HARS1: variants seen among roughly 807,000 people sequenced by gnomAD.
The protein encoded by HARS1 is histidine--tRNA ligase, cytoplasmic.
In HARS1, 45 loss-of-function variants were observed where a neutral mutation model predicts 63.6. That is an observed-to-expected ratio of 0.71 (90% CI 0.56 to 0.91). The LOEUF is 0.91. HARS1 is among the 40% of genes least tolerant of loss of function. The pLI is 0.00. For missense variants in HARS1, 508 were observed against 643.2 expected (o/e 0.79, Z 2.27); for synonymous variants, 205 against 247.1 (o/e 0.83, Z 1.60).
At position 140,677,416 on chromosome 5, in the gene HARS1, G is replaced by C. The variant is rs1758446658; in HGVS notation, c.734C>G (p.Ser245Cys). The C allele has an allele frequency of 3.7e-6, 6 of 1,612,118 alleles. No individual in the cohort carries two copies. Among genetic ancestry groups the C allele is most frequent in the Non-Finnish European group, 5.1e-6 (6 of 1,178,342 alleles). ...CSSVDKLDKV[S>C]WEEVKNEMVG... ...CATCTCATTCTTCACCTCTTCCCAG[G>C]ACACCTAGGCAGACAGACACCAGTC... Residue 245 changes from serine (S) to cysteine (C), a missense_variant, in exon 8 of 13, where the codon TCC (serine) becomes TGC (cysteine). By Grantham distance (112) the Ser-to-Cys change is moderately radical (BLOSUM62 -1). This residue lies in a region of HARS1 where 403 missense variants were observed against 548.7 expected (regional missense o/e 0.73). Coordinates refer to ENST00000504156, the MANE Select transcript of HARS1 (RefSeq NM_002109.6).
rs1233474239 is a variant in HARS1 at position 140,676,950 on chromosome 5, C to A, written c.951+39G>T. ...AGATTAAGATCAGGGACCTGAAGCC[C>A]CAGAGCTCAGAAGGGATCCCGTCCC... On this transcript the variant is annotated intron_variant, in intron 9 of 12. Transcript: ENST00000504156. The surrounding 1 kb of genome is among the most constrained non-coding windows in gnomAD (Gnocchi z 4.1). 6.2e-7 allele frequency: 1 copy of A among 1,613,902 alleles called. No homozygotes were observed. The highest frequency in any genetic ancestry group is 1.3e-5 in the African/African-American group (1 of 74,914).
rs768577648 is a variant in HARS1 at position 140,678,995 on chromosome 5, C to A, written c.522+7G>T. The A allele has an allele frequency of 6.2e-7, 1 of 1,613,278 alleles. No individual in the cohort carries two copies. The highest frequency in any genetic ancestry group is 1.1e-5 in the South Asian group (1 of 91,002). ...CTCATCCTGCCCCACGGTTTCCCAA[C>A]ACTCACACACTGGTAGAATTCCCGG... is the stretch of plus-strand genomic sequence containing the variant. On this transcript the variant is annotated splice_region_variant and intron_variant, in intron 5 of 12. Transcript: ENST00000504156.
Position 140,676,883 on chromosome 5 carries a change from A to T in HARS1, c.965T>A (p.Leu322Gln). The T allele has an allele frequency of 6.2e-7, 1 of 1,613,156 alleles. No homozygotes were observed. Among genetic ancestry groups the T allele is most frequent in the East Asian group, 2.2e-5 (1 of 44,868 alleles). ...GTAATCCAGCCCTCGAGCAAGGCTCAGGTCAAAGGAGATCTGTGGAGATAA... is the reference window on the plus strand; with the variant it reads ...GTAATCCAGCCCTCGAGCAAGGCTCTGGTCAAAGGAGATCTGTGGAGATAA... ...FGIDDKISFD[L>Q]SLARGLDYYT... The change falls in exon 10 of 13, where the codon CTG becomes CAG. Residue 322 changes from leucine to glutamine, a missense_variant. Physicochemically the swap from Leu to Gln is moderately radical, Grantham distance 113. Around this residue, in one of 2 missense-constraint regions of HARS1, gnomAD observed 403 missense variants for 548.7 expected, o/e 0.73. Coordinates refer to ENST00000504156, the MANE Select transcript of HARS1 (RefSeq NM_002109.6). This position sits in a 1 kb window ranked among gnomAD's most constrained non-coding sequence, Gnocchi z 4.1.
At chr5:140,681,032 G>T (rs1758699491) in intron 3 of HARS1, among the ~76,000 whole-genome samples, 1 of 151,974 alleles carries the variant, frequency 6.6e-6, no homozygotes, top group Non-Finnish European at 1.5e-5. Context: ...ATGTCTTAAG[G>T]GCATTACAGC....
At position 140,679,052 on chromosome 5, in the gene HARS1, G is replaced by A. The variant is rs939538495; in HGVS notation, c.472C>T (p.Arg158Trp). 5.0e-6 allele frequency: 8 copies of A among 1,613,922 alleles called. No individual in the cohort carries two copies. The highest frequency in any genetic ancestry group is 2.7e-5 in the African/African-American group (2 of 74,904). The change falls in exon 5 of 13, where the codon CGG (arginine) becomes TGG (tryptophan). Residue 158 changes from arginine (R) to tryptophan (W), a missense_variant. By Grantham distance (101) the Arg-to-Trp change is moderately radical (BLOSUM62 -3). Coordinates refer to ENST00000504156, the MANE Select transcript of HARS1 (RefSeq NM_002109.6). The surrounding 1 kb of genome is among the most constrained non-coding windows in gnomAD (Gnocchi z 4.3). ...KRYHIAKVYR[R>W]DNPAMTRGRY... ...CCACGGGTCATGGCTGGGTTATCCC[G>A]CCGATATACCTTTGCTATGTGGTAG...
chr5:140,689,616 C>T lies in HARS1; in HGVS notation c.180+1239G>A, dbSNP rs564940590. Reference sequence around the variant, plus strand: ...ACTCAGCCAGATTTTTTTTCTTAATCGTTTCTTTTCCCCTGAATGGTTTTG... The same window carrying T: ...ACTCAGCCAGATTTTTTTTCTTAATTGTTTCTTTTCCCCTGAATGGTTTTG... On this transcript the variant is annotated intron_variant, in intron 2 of 12. Coordinates refer to ENST00000504156, the MANE Select transcript of HARS1 (RefSeq NM_002109.6). Among the ~76,000 whole-genome samples the T allele has an allele frequency of 2.6e-5, 4 of 152,158 alleles. No homozygotes were observed. The South Asian group carries it at 6.2e-4, about 24-fold the overall frequency.
At position 140,680,476 on chromosome 5, in the gene HARS1, G is replaced by A. The variant is rs113255561; in HGVS notation, c.301-593C>T. ...GTTTTTAAAAGATGCATAAATTCCAGTGAGAAGAAGCTCTGTACTTACTTC... is the reference window on the plus strand; with the variant it reads ...GTTTTTAAAAGATGCATAAATTCCAATGAGAAGAAGCTCTGTACTTACTTC... On this transcript the variant is annotated intron_variant, in intron 3 of 12. Transcript: ENST00000504156. Among the ~76,000 whole-genome samples the A allele has an allele frequency of 7.8e-3, 1,182 of 152,206 alleles. 16 individuals carry two copies. Among genetic ancestry groups the A allele is most frequent in the African/African-American group, 0.027 (1,133 of 41,542 alleles).
intron 3 of HARS1, among the ~76,000 whole-genome samples, chr5:140,680,800 A>G (rs1758678234): frequency 6.6e-6 from 1 of 151,680 alleles, no homozygotes; most frequent in Non-Finnish European, 1.5e-5. Context: ...AGATCGCACC[A>G]TTGCACTCCA....
Position 140,674,268 on chromosome 5 carries a change from A to G in HARS1, c.1519T>C (p.Cys507Arg), listed in dbSNP as rs150090766. ...ATAGTTTGTTCAGTTCAGCAGATGC[A>G]GAGGGGCTGGCCTGTTCTCCTTTTG... ...EIKRRTGQPLCIC is the reference protein window; with the variant it reads ...EIKRRTGQPLRIC Residue 507 changes from cysteine (C) to arginine (R), a missense_variant, in exon 13 of 13, where the codon TGC (cysteine) becomes CGC (arginine). This residue lies in a region of HARS1 where 403 missense variants were observed against 548.7 expected (regional missense o/e 0.73). Transcript: ENST00000504156. The G allele has an allele frequency of 1.7e-5, 27 of 1,607,260 alleles. No homozygotes were observed. Among genetic ancestry groups the G allele is most frequent in the Non-Finnish European group, 2.2e-5 (26 of 1,173,652 alleles).
intron 2 of HARS1, chr5:140,684,845 A>G (rs1216981930): frequency 6.6e-6 from 1 of 152,224 alleles, no homozygotes; most frequent in Non-Finnish European, 1.5e-5. Flanking sequence ...TAACGCAAAT[A>G]ATATTTTAGA....
chr5:140,691,038 G>C, intron 1 of HARS1, 94 bp from the exon 2 acceptor site: 1 of 956,246 alleles, frequency 1.0e-6, no homozygotes, highest in Non-Finnish European at 1.7e-6. Context: ...ACATCTCTCT[G>C]CTCAGGCCTA....
Position 140,683,175 on chromosome 5 carries a change from C to A in HARS1, c.225G>T (p.Lys75Asn). 1 of 1,613,844 alleles carries A rather than the reference C, an allele frequency of 6.2e-7. No homozygotes were observed. The highest frequency in any genetic ancestry group is 8.5e-7 in the Non-Finnish European group (1 of 1,179,704). The change falls in exon 3 of 13, where the codon AAG (lysine) becomes AAT (asparagine). Residue 75 changes from lysine to asparagine, a missense_variant. Around this residue, in one of 2 missense-constraint regions of HARS1, gnomAD observed 105 missense variants for 94.5 expected, o/e 1.11. Transcript: ENST00000504156. ...AGCAACGGATGATTACGTCAAACAC[C>A]TTCTCGCGAACTGCCATCTGCCGGG... ...YSPRQMAVRE[K>N]VFDVIIRCFK...
chr5:140,679,128 C>T lies in HARS1; in HGVS notation c.397-1G>A. 6.2e-7 allele frequency: 1 copy of T among 1,613,884 alleles called. No homozygotes were observed. Among genetic ancestry groups the T allele is most frequent in the Non-Finnish European group, 8.5e-7 (1 of 1,179,844 alleles). The stretch of plus-strand genomic sequence containing the variant: ...TTGCCAAATACCGAGCAAAAGGAAC[C>T]TGATGACAAAGAGTTAAGGAGAAAG... On this transcript the variant is annotated splice_acceptor_variant, in intron 4 of 12. Transcript: ENST00000504156. LOFTEE classifies it high-confidence loss of function. The surrounding 1 kb of genome is among the most constrained non-coding windows in gnomAD (Gnocchi z 4.3).
At chr5:140,688,247 T>C (rs905252829) in intron 2 of HARS1, among the ~76,000 whole-genome samples, 1 of 152,220 alleles carries the variant, frequency 6.6e-6, no homozygotes, top group African/African-American at 2.4e-5. Flanking sequence ...GGATATTAAC[T>C]CTCTAGCATA....
At position 140,679,906 on chromosome 5, in the gene HARS1, T is replaced by C; in HGVS notation, c.301-23A>G. ...TTCCTGGAGAAAACATAAATAAATGTGGTCATAATAATAAACATAACAATT... is the reference window on the plus strand; with the variant it reads ...TTCCTGGAGAAAACATAAATAAATGCGGTCATAATAATAAACATAACAATT... On this transcript the variant is annotated intron_variant, in intron 3 of 12. Transcript: ENST00000504156. The surrounding 1 kb of genome is among the most constrained non-coding windows in gnomAD (Gnocchi z 4.3). 1 of 1,261,790 alleles carries C rather than the reference T, an allele frequency of 7.9e-7. No homozygotes were observed. The highest frequency in any genetic ancestry group is 1.9e-4 in the Middle Eastern group (1 of 5,348). The allele number at this position is 1,261,790 out of a possible 1,614,324, so 78.2% of individuals were successfully genotyped here. A position where few individuals can be genotyped will look rare whatever the true frequency, so the allele number is the denominator to read the frequency against.
At chr5:140,674,933 C>A in intron 11 of HARS1, 84 bp downstream of exon 11, 1 of 1,478,658 alleles carries the variant, frequency 6.8e-7, no homozygotes, top group Non-Finnish European at 9.4e-7. Flanking sequence ...GAAGTAATGG[C>A]AGGATCCATT....
chr5:140,676,605 G>C lies in HARS1; in HGVS notation c.1194+49C>G, dbSNP rs768756221. On this transcript the variant is annotated intron_variant, in intron 10 of 12. Coordinates refer to ENST00000504156, the MANE Select transcript of HARS1 (RefSeq NM_002109.6). This position sits in a 1 kb window ranked among gnomAD's most constrained non-coding sequence, Gnocchi z 4.1. ...GCTCCCTTGGAGATCAGATAGCTTA[G>C]GTGCCACCACCTGCTCAGACTATCT... is the stretch of plus-strand genomic sequence containing the variant. 1 of 1,586,506 alleles carries C rather than the reference G, an allele frequency of 6.3e-7. No individual in the cohort carries two copies. The highest frequency in any genetic ancestry group is 1.1e-5 in the South Asian group (1 of 88,876).
At position 140,676,323 on chromosome 5, in the gene HARS1, C is replaced by A. The variant is rs886955200; in HGVS notation, c.1194+331G>T. 3.8e-6 allele frequency: 1 copy of A among 264,196 alleles called. No individual in the cohort carries two copies. Among genetic ancestry groups the A allele is most frequent in the Non-Finnish European group, 7.2e-6 (1 of 139,642 alleles). 16.4% of individuals were successfully genotyped at this position (264,196 alleles called of 1,614,324 possible). Reference sequence around the variant, plus strand: ...TATTTTGATAATGCATGAAAAGCACCAAGCACAGTGCCTGGCACAAGGCAG... The same window carrying A: ...TATTTTGATAATGCATGAAAAGCACAAAGCACAGTGCCTGGCACAAGGCAG... On this transcript the variant is annotated intron_variant, in intron 10 of 12. Coordinates refer to ENST00000504156, the MANE Select transcript of HARS1 (RefSeq NM_002109.6). This position sits in a 1 kb window ranked among gnomAD's most constrained non-coding sequence, Gnocchi z 4.1.
At position 140,679,194 on chromosome 5, in the gene HARS1, C is replaced by T; in HGVS notation, c.397-67G>A. 1 of 1,556,458 alleles carries T rather than the reference C, an allele frequency of 6.4e-7. No homozygotes were observed. Among genetic ancestry groups the T allele is most frequent in the Admixed American group, 1.7e-5 (1 of 58,788 alleles). ...TCTGCAAGTTGATTATCATCACCAA[C>T]AGAAGCTGGGGTCTAACCCCTCCCT... On this transcript the variant is annotated intron_variant, in intron 4 of 12. Coordinates refer to ENST00000504156, the MANE Select transcript of HARS1 (RefSeq NM_002109.6). The surrounding 1 kb of genome is among the most constrained non-coding windows in gnomAD (Gnocchi z 4.3).
Sources: gnomAD v4.1 joint callset for allele counts (sites outside exome capture counted in the v4.1 genomes callset) on GRCh38, gnomAD v4.1.1 for gene constraint, gnomAD v4.1.1 regional missense constraint, Gnocchi (gnomAD v3.1) non-coding constraint, MANE v1.5 for transcripts, NCBI Gene and HGNC (gene_info 2026-07-23, HGNC 2026-07-21) for gene names.